Variants in OPCML observed in about 807,000 individuals in gnomAD.
OPCML encodes opioid-binding protein/cell adhesion molecule.
OPCML carries 13 observed loss-of-function variants against 37.8 expected under a neutral mutation model. The observed-to-expected ratio is 0.34, with a 90% CI of 0.22 to 0.55. The LOEUF is 0.55. OPCML is among the 20% of genes least tolerant of loss of function. OPCML has a pLI of 0.91. For missense variants in OPCML, 341 were observed against 435.6 expected, an observed-to-expected ratio of 0.78 and a Z score of 1.93; for synonymous variants, 176 against 168.8, an observed-to-expected ratio of 1.04 and a Z score of -0.33.
chr11:133,134,721 G>A (rs1565464116), intron 1 of OPCML, among the ~76,000 whole-genome samples: 1 of 152,134 alleles, frequency 6.6e-6, no homozygotes, highest in Non-Finnish European at 1.5e-5. Flanking sequence ...CCCACATCAA[G>A]CGAGATGAGC....
rs1374510848 is a variant in OPCML at position 133,457,035 on chromosome 11, A to G, written c.61+75229T>C. Among the ~76,000 whole-genome samples, 12 of 152,168 alleles carry G rather than the reference A, an allele frequency of 7.9e-5. 1 individual carries two copies. The highest frequency in any genetic ancestry group is 1.7e-4 in the African/African-American group (7 of 41,434). ...CAAGAAGTCTAAGTAGGATTAACCA[A>G]CCCAAAGAGACCAACCCCAAGACAC... On this transcript the variant is annotated intron_variant, in intron 1 of 7. Coordinates refer to ENST00000524381, the MANE Select transcript of OPCML (RefSeq NM_001012393.5).
At chr11:132,940,071 A>G (rs563425654) in intron 2 of OPCML, among the ~76,000 whole-genome samples, 2 of 152,340 alleles carry the variant, frequency 1.3e-5, no homozygotes, top group African/African-American at 4.8e-5. Context: ...ACTTACAGAA[A>G]ACGAGTTTCA....
chr11:133,341,148 A>G (rs1013365241), intron 1 of OPCML, among the ~76,000 whole-genome samples: 12 of 152,084 alleles, frequency 7.9e-5, no homozygotes, highest in African/African-American at 2.9e-4. Context: ...AATCCCCCAT[A>G]CCTAGAACCC....
intron 2 of OPCML, among the ~76,000 whole-genome samples, chr11:132,886,657 G>A (rs574132052): frequency 1.3e-5 from 2 of 152,282 alleles, no homozygotes; most frequent in African/African-American, 4.8e-5. Flanking sequence ...TTGGTTATGA[G>A]CAAGTCATGA....
At chr11:132,438,742 G>T (rs1278977029) in intron 4 of OPCML, among the ~76,000 whole-genome samples, 1 of 151,902 alleles carries the variant, frequency 6.6e-6, no homozygotes, top group Non-Finnish European at 1.5e-5. Flanking sequence ...AGGTGGGCTA[G>T]TGTGTAGTGT....
intron 1 of OPCML, among the ~76,000 whole-genome samples, chr11:133,085,182 A>ATTTC (rs1948800810): frequency 6.6e-6 from 1 of 152,230 alleles, no homozygotes; most frequent in Admixed American, 6.5e-5. Context: ...CATACAACCC[A>ATTTC]GTGCATTTCA....
intron 1 of OPCML, among the ~76,000 whole-genome samples, chr11:132,997,562 G>T (rs148912692): frequency 3.3e-5 from 5 of 151,752 alleles, no homozygotes; most frequent in Non-Finnish European, 5.9e-5. Flanking sequence ...CATCCACGCC[G>T]CAATGCTGGG....
intron 2 of OPCML, among the ~76,000 whole-genome samples, chr11:132,745,211 C>T (rs974746623): frequency 6.6e-6 from 1 of 152,196 alleles, no homozygotes; most frequent in Admixed American, 6.5e-5. Context: ...CATGCCAAGG[C>T]TTCTGAACCT....
Position 133,407,654 on chromosome 11 carries a change from G to A in OPCML, c.61+124610C>T, listed in dbSNP as rs182043966. 2.6e-5 allele frequency among the ~76,000 whole-genome samples: 4 copies of A among 152,312 alleles called. No homozygotes were observed. In the East Asian group the frequency reaches 7.8e-4, roughly 30 times the overall value. ...GCACCTGTGCCCAGACATGTTTCTG[G>A]AAGTCTCCTGCTTTCAGCTTATTTT... On this transcript the variant is annotated intron_variant, in intron 1 of 7. Coordinates refer to ENST00000524381, the MANE Select transcript of OPCML (RefSeq NM_001012393.5).
chr11:133,013,237 A>C (rs1309486305), intron 1 of OPCML, among the ~76,000 whole-genome samples: 10 of 152,238 alleles, frequency 6.6e-5, no homozygotes, highest in Admixed American at 6.5e-4. Context: ...TGGATTTAAA[A>C]AACACAAGAA....
rs555671377 is a variant in OPCML, at chr11:132,520,507, G to A, written c.505+8554C>T. On this transcript the variant is annotated intron_variant, in intron 4 of 7. Coordinates refer to ENST00000524381, the MANE Select transcript of OPCML (RefSeq NM_001012393.5). ...CTTATATAAGCATATATAGGAATAG[G>A]TTGTTAATGGAATACTAGAGACTCA... Among the ~76,000 whole-genome samples the A allele has an allele frequency of 1.2e-4, 18 of 152,174 alleles. No homozygotes were observed. The East Asian group carries it at 3.5e-3, about 29-fold the overall frequency.
chr11:132,927,048 A>T (rs1445961291), intron 2 of OPCML, among the ~76,000 whole-genome samples: 2 of 152,116 alleles, frequency 1.3e-5, no homozygotes, highest in Non-Finnish European at 2.9e-5. Flanking sequence ...AGCCTAAGGG[A>T]CTTAAGAAAC....
chr11:132,730,008 CTT>C (rs11389495), intron 2 of OPCML, among the ~76,000 whole-genome samples: 1,142 of 88,398 alleles, frequency 0.013, 6 homozygotes, highest in South Asian at 0.029. Flanking sequence ...TTCTATGTGA[CTT>C]TTTTTTTTTT....
intron 4 of OPCML, among the ~76,000 whole-genome samples, chr11:132,497,996 C>A (rs2096236743): frequency 1.3e-5 from 2 of 152,156 alleles, no homozygotes; most frequent in African/African-American, 4.8e-5. Context: ...AGGACTCCAC[C>A]TCTTTAATCG....
rs191358205 is a variant in OPCML at position 133,313,287 on chromosome 11, A to G, written c.61+218977T>C. The stretch of plus-strand genomic sequence containing the variant: ...ATGACATATTCAGGATTTGAACTGA[A>G]ATCTGCCTGACTCCAAAGGTGTTAT... On this transcript the variant is annotated intron_variant, in intron 1 of 7. Transcript: ENST00000524381. Among the ~76,000 whole-genome samples, 211 of 152,338 alleles carry G rather than the reference A, an allele frequency of 1.4e-3. 2 individuals are homozygous for G. The highest frequency in any genetic ancestry group is 0.013 in the Admixed American group (192 of 15,298).
At position 132,996,399 on chromosome 11, in the gene OPCML, C is replaced by T. The variant is rs1000021855; in HGVS notation, c.62-53389G>A. ...CTTTGGGGGACCGAGATGGGCAGATCTGAAGTCAGGAGTTCGAGACCAGCC... is the reference window on the plus strand; with the variant it reads ...CTTTGGGGGACCGAGATGGGCAGATTTGAAGTCAGGAGTTCGAGACCAGCC... On this transcript the variant is annotated intron_variant, in intron 1 of 7. Coordinates refer to ENST00000524381, the MANE Select transcript of OPCML (RefSeq NM_001012393.5). Among the ~76,000 whole-genome samples, 4 of 150,862 alleles carry T rather than the reference C, an allele frequency of 2.7e-5. No individual in the cohort carries two copies. In the South Asian group the frequency reaches 8.4e-4, roughly 32 times the overall value.
chr11:132,644,687 C>A (rs1196469360), intron 3 of OPCML, among the ~76,000 whole-genome samples: 1 of 152,172 alleles, frequency 6.6e-6, no homozygotes, highest in African/African-American at 2.4e-5. Flanking sequence ...GACAAACTAG[C>A]CCCTGGGAAA....
At chr11:133,514,738 C>T (rs759277140) in intron 1 of OPCML, among the ~76,000 whole-genome samples, 4 of 152,094 alleles carry the variant, frequency 2.6e-5, no homozygotes, top group Admixed American at 6.5e-5. Flanking sequence ...TTAAATACTG[C>T]CTTTTAGTTT....
intron 1 of OPCML, among the ~76,000 whole-genome samples, chr11:132,998,130 C>T (rs7947762): frequency 6.6e-6 from 1 of 152,206 alleles, no homozygotes; most frequent in South Asian, 2.1e-4. Context: ...CCTTGGTGAG[C>T]CCTGCTGAGT....
Sources: gnomAD v4.1 joint callset for allele counts (sites outside exome capture counted in the v4.1 genomes callset) on GRCh38, gnomAD v4.1.1 for gene constraint, MANE v1.5 for transcripts, NCBI Gene and HGNC (gene_info 2026-07-23, HGNC 2026-07-21) for gene names.